Variants in NEURL2 observed in about 807,000 individuals in gnomAD.
The protein encoded by NEURL2 is neuralized-like protein 2.
In NEURL2, 16 loss-of-function variants were observed where a neutral mutation model predicts 15.9. The ratio of observed to expected loss-of-function variants is 1.01; its 90% CI spans 0.68 to 1.53. The LOEUF (loss-of-function observed/expected upper bound fraction) is 1.53. Among genes scored for constraint, NEURL2 ranks in the 40% most tolerant of loss-of-function variants. The pLI, the probability that NEURL2 is intolerant of heterozygous loss-of-function variation, is 0.00. For missense variants in NEURL2, 393 were observed against 407.8 expected, an observed-to-expected ratio of 0.96 and a Z score of 0.31; for synonymous variants, 188 against 178.3, an observed-to-expected ratio of 1.05 and a Z score of -0.43.
rs1409040963 is a variant in NEURL2, at chr20:45,888,865, G to C, written c.751C>G (p.Leu251Val). 6.2e-7 allele frequency: 1 copy of C among 1,614,148 alleles called. No individual in the cohort carries two copies. Among genetic ancestry groups the C allele is most frequent in the Non-Finnish European group, 8.5e-7 (1 of 1,179,994 alleles). Residue 251 changes from leucine (L) to valine (V), a missense_variant, in exon 2 of 2, where the codon CTG becomes GTG. Transcript: ENST00000372518. ...LVQLEYGLPS[L>V]QTLCRLVIQR... ...ATCACTAGGCGGCACAGAGTCTGCA[G>C]GGATGGCACTGTGGGAAGAAGACTG...
At chr20:45,890,157 G>A (rs1021325391) in intron 1 of NEURL2, 93 bp downstream of exon 1, 3 of 1,402,176 alleles carry the variant, frequency 2.1e-6, no homozygotes, top group Admixed American at 1.7e-5. Context: ...ACTAGTGCCG[G>A]ACAGACGAAG....
At position 45,888,829 on chromosome 20, in the gene NEURL2, T is replaced by C. The variant is rs1020322686; in HGVS notation, c.787A>G (p.Met263Val). The C allele has an allele frequency of 6.2e-6, 10 of 1,613,990 alleles. No homozygotes were observed. In the Admixed American group the frequency reaches 1.2e-4, roughly 19 times the overall value. ...CCATCAATGGCCAGCCGGTGCACCA[T>C]GCTCCTTTGTATCACTAGGCGGCAC... Reference protein sequence around the residue: ...TLCRLVIQRSMVHRLAIDGLH... With the variant: ...TLCRLVIQRSVVHRLAIDGLH... Residue 263 changes from methionine to valine, a missense_variant, in exon 2 of 2, where the codon ATG becomes GTG. Transcript: ENST00000372518.
Position 45,890,986 on chromosome 20 carries a change from A to T in NEURL2, c.6T>A (p.Ala2=). 7 of 1,487,988 alleles carry T rather than the reference A, an allele frequency of 4.7e-6. No homozygotes were observed. Among genetic ancestry groups the T allele is most frequent in the Non-Finnish European group, 6.3e-6 (7 of 1,118,792 alleles). 92.2% of individuals were successfully genotyped at this position (1,487,988 alleles called of 1,614,324 possible). Residue 2 remains alanine, a synonymous_variant, in exon 1 of 2, where the codon GCT becomes GCA. Transcript: ENST00000372518. ...CCGAATCCACGGGCTCGGAGGCAGC[A>T]GCCATCTCTCGGCCATAGGGCAGGC... M[A]AASEPVDSGA...
rs772492087 is a variant in NEURL2 at position 45,890,259 on chromosome 20, C to G, written c.733G>C (p.Glu245Gln). Residue 245 changes from glutamate to glutamine, a missense_variant, in exon 1 of 2, where the codon GAG (glutamate) becomes CAG (glutamine). By Grantham distance (29) the Glu-to-Gln change is conservative (BLOSUM62 2). Transcript: ENST00000372518. ...STKSVRLVQL[E>Q]YGLPSLQTLC... is the part of the protein sequence containing the mutation. Reference sequence around the variant, plus strand: ...GCCCAGGGATACCTACAGCCATACTCGAGCTGGACAAGGCGCACGCTCTTT... The same window carrying G: ...GCCCAGGGATACCTACAGCCATACTGGAGCTGGACAAGGCGCACGCTCTTT... The G allele has an allele frequency of 1.9e-6, 3 of 1,613,824 alleles. No homozygotes were observed. Among genetic ancestry groups the G allele is most frequent in the South Asian group, 2.2e-5 (2 of 91,086 alleles).
rs768208937 is a variant in NEURL2, at chr20:45,890,712, C to A, written c.280G>T (p.Ala94Ser). The A allele has an allele frequency of 6.2e-7, 1 of 1,613,632 alleles. No individual in the cohort carries two copies. The highest frequency in any genetic ancestry group is 1.7e-5 in the Admixed American group (1 of 60,006). The change falls in exon 1 of 2, where the codon GCC becomes TCC. Residue 94 changes from alanine (A) to serine (S), a missense_variant. Physicochemically the swap from Ala to Ser is moderately conservative, Grantham distance 99. Transcript: ENST00000372518. ...GLTALDPASL[A>S]PVPEFSLPDL... is the part of the protein sequence containing the mutation. ...GGCAGAGAAAACTCGGGAACGGGGG[C>A]CAGACTGGCGGGGTCCAGCGCGGTC... is the stretch of plus-strand genomic sequence containing the variant.
At chr20:45,889,739 GA>G (rs1209609302) in intron 1 of NEURL2, among the ~76,000 whole-genome samples, 1 of 151,756 alleles carries the variant, frequency 6.6e-6, no homozygotes, top group African/African-American at 2.4e-5. Flanking sequence ...TCAGCCTTCT[GA>G]ATAGCTGGGA....
Position 45,891,114 on chromosome 20 carries a change from C to A in NEURL2, c.-123G>T. 1 of 1,152,334 alleles carries A rather than the reference C, an allele frequency of 8.7e-7. No homozygotes were observed. Among genetic ancestry groups the A allele is most frequent in the Non-Finnish European group, 1.2e-6 (1 of 827,774 alleles). The allele number at this position is 1,152,334 out of a possible 1,614,324, so 71.4% of individuals were successfully genotyped here. On this transcript the variant is annotated 5_prime_UTR_variant, in exon 1 of 2. Coordinates refer to ENST00000372518, the MANE Select transcript of NEURL2 (RefSeq NM_080749.4). This position sits in a 1 kb window ranked among gnomAD's most constrained non-coding sequence, Gnocchi z 4.6. ...TGACTCCCTTCCCCGAGCCTCTGCCCGGGGGTCCTAGCGCCGCTTTCTCAG... is the reference window on the plus strand; with the variant it reads ...TGACTCCCTTCCCCGAGCCTCTGCCAGGGGGTCCTAGCGCCGCTTTCTCAG...
At chr20:45,889,619 C>CTCTT (rs10639182) in intron 1 of NEURL2, among the ~76,000 whole-genome samples, 80,192 of 150,418 alleles carry the variant, frequency 0.53, 21,945 homozygotes, top group Admixed American at 0.63. Flanking sequence ...CTCTCTCTCT[C>CTCTT]TCTTTCTTTT....
At position 45,890,792 on chromosome 20, in the gene NEURL2, A is replaced by T; in HGVS notation, c.200T>A (p.Leu67Gln). The T allele has an allele frequency of 6.2e-7, 1 of 1,603,396 alleles. No individual in the cohort carries two copies. Among genetic ancestry groups the T allele is most frequent in the East Asian group, 2.2e-5 (1 of 44,644 alleles). ...REPLAPGQVF[L>Q]VEIEEKELGW... ...CAGCTCTTTCTCCTCGATCTCGACCAGGAAGACCTGGCCCGGGGCCAGCGG... is the reference window on the plus strand; with the variant it reads ...CAGCTCTTTCTCCTCGATCTCGACCTGGAAGACCTGGCCCGGGGCCAGCGG... The change falls in exon 1 of 2, where the codon CTG becomes CAG. Residue 67 changes from leucine to glutamine, a missense_variant. Transcript: ENST00000372518.
chr20:45,888,842 C>T lies in NEURL2; in HGVS notation c.774G>A (p.Val258=). The T allele has an allele frequency of 6.2e-7, 1 of 1,613,988 alleles. No individual in the cohort carries two copies. Among genetic ancestry groups the T allele is most frequent in the Non-Finnish European group, 8.5e-7 (1 of 1,179,852 alleles). ...GCCGGTGCACCATGCTCCTTTGTAT[C>T]ACTAGGCGGCACAGAGTCTGCAGGG... is the stretch of plus-strand genomic sequence containing the variant. ...LPSLQTLCRL[V]IQRSMVHRLA... The change falls in exon 2 of 2, where the codon GTG becomes GTA. Residue 258 remains valine, a synonymous_variant. Coordinates refer to ENST00000372518, the MANE Select transcript of NEURL2 (RefSeq NM_080749.4).
rs546947641 is a variant in NEURL2 at position 45,888,743 on chromosome 20, G to A, written c.*15C>T. On this transcript the variant is annotated 3_prime_UTR_variant, in exon 2 of 2. Coordinates refer to ENST00000372518, the MANE Select transcript of NEURL2 (RefSeq NM_080749.4). ...GGCTCCAGGATGCAGCTGTGCTCTG[G>A]TGCACTGTGGGTCTTCACTCATACT... The A allele has an allele frequency of 1.2e-6, 2 of 1,613,602 alleles. No individual in the cohort carries two copies. The highest frequency in any genetic ancestry group is 1.3e-5 in the African/African-American group (1 of 75,038).
intron 1 of NEURL2, 105 bp downstream of exon 1, chr20:45,890,145 A>T: frequency 7.8e-7 from 1 of 1,281,132 alleles, no homozygotes; most frequent in Non-Finnish European, 1.1e-6. Context: ...TCCCACTCTT[A>T]AACTAGTGCC....
At chr20:45,889,802 C>T (rs1732909266) in intron 1 of NEURL2, among the ~76,000 whole-genome samples, 2 of 152,096 alleles carry the variant, frequency 1.3e-5, no homozygotes, top group Admixed American at 1.3e-4. Flanking sequence ...TTAGTAGAGA[C>T]AGGCTTTCAC....
chr20:45,891,109 C>G lies in NEURL2; in HGVS notation c.-118G>C, dbSNP rs1376082263. The G allele has an allele frequency of 8.6e-7, 1 of 1,162,754 alleles. No homozygotes were observed. The highest frequency in any genetic ancestry group is 1.2e-6 in the Non-Finnish European group (1 of 838,750). 72.0% of individuals were successfully genotyped at this position (1,162,754 alleles called of 1,614,324 possible). On this transcript the variant is annotated 5_prime_UTR_variant, in exon 1 of 2. Coordinates refer to ENST00000372518, the MANE Select transcript of NEURL2 (RefSeq NM_080749.4). This position sits in a 1 kb window ranked among gnomAD's most constrained non-coding sequence, Gnocchi z 4.6. ...CCCCCTGACTCCCTTCCCCGAGCCT[C>G]TGCCCGGGGGTCCTAGCGCCGCTTT...
In NEURL2 at chr20:45,890,550, G is replaced by A. The variant is rs757016726; in HGVS notation, c.442C>T (p.Arg148Cys). The change falls in exon 1 of 2, where the codon CGC becomes TGC. Residue 148 changes from arginine to cysteine, a missense_variant. Coordinates refer to ENST00000372518, the MANE Select transcript of NEURL2 (RefSeq NM_080749.4). ...CGGGGAATGCGAAACTGCTCAATGC[G>A]CAGATATGGTTCCACGAGGAGGGTT... ...PPTLLVEPYLRIEQFRIPRDR... is the reference protein window; with the variant it reads ...PPTLLVEPYLCIEQFRIPRDR... The A allele has an allele frequency of 6.8e-6, 11 of 1,611,088 alleles. No individual in the cohort carries two copies. The Admixed American group carries it at 1.2e-4, about 17-fold the overall frequency.
Position 45,888,889 on chromosome 20 carries a change from T to C in NEURL2, c.743-16A>G, listed in dbSNP as rs983566342. ...AGGGATGGCACTGTGGGAAGAAGAC[T>C]GTGAAAGGCAAACTGAACTGGAGGG... On this transcript the variant is annotated splice_polypyrimidine_tract_variant and intron_variant, in intron 1 of 1. Coordinates refer to ENST00000372518, the MANE Select transcript of NEURL2 (RefSeq NM_080749.4). The C allele has an allele frequency of 5.0e-6, 8 of 1,613,892 alleles. No individual in the cohort carries two copies. The East Asian group carries it at 6.7e-5, about 13-fold the overall frequency.
chr20:45,888,957 C>T, intron 1 of NEURL2, 84 bp from the exon 2 acceptor site: 1 of 1,527,100 alleles, frequency 6.5e-7, no homozygotes. Flanking sequence ...TCATGGTCCC[C>T]ACTTTGTCAT....
rs546934216 is a variant in NEURL2, at chr20:45,890,944, G to T, written c.48C>A (p.Leu16=). 6.6e-6 allele frequency: 10 copies of T among 1,513,896 alleles called. No individual in the cohort carries two copies. Among genetic ancestry groups the T allele is most frequent in the African/African-American group, 1.4e-5 (1 of 72,268 alleles). 93.8% of individuals were successfully genotyped at this position (1,513,896 alleles called of 1,614,324 possible). A position where few individuals can be genotyped will look rare whatever the true frequency, so the allele number is the denominator to read the frequency against. The change falls in exon 1 of 2, where the codon CTC becomes CTA. Residue 16 remains leucine (L), a synonymous_variant. Coordinates refer to ENST00000372518, the MANE Select transcript of NEURL2 (RefSeq NM_080749.4). ...GGGTGGGAGGGGGCTCCGGGCGCTC[G>T]AGTCCCCAGAGTGCACCCGAATCCA... is the stretch of plus-strand genomic sequence containing the variant. ...EPVDSGALWG[L]ERPEPPPTRF...
At position 45,890,718 on chromosome 20, in the gene NEURL2, T is replaced by A; in HGVS notation, c.274A>T (p.Ser92Cys). 1 of 1,613,578 alleles carries A rather than the reference T, an allele frequency of 6.2e-7. No individual in the cohort carries two copies. Among genetic ancestry groups the A allele is most frequent in the Non-Finnish European group, 8.5e-7 (1 of 1,179,858 alleles). Residue 92 changes from serine to cysteine, a missense_variant, in exon 1 of 2, where the codon AGT becomes TGT. By Grantham distance (112) the Ser-to-Cys change is moderately radical. Transcript: ENST00000372518. ...RLGLTALDPASLAPVPEFSLP... is the reference protein window; with the variant it reads ...RLGLTALDPACLAPVPEFSLP... ...GAAAACTCGGGAACGGGGGCCAGAC[T>A]GGCGGGGTCCAGCGCGGTCAGACCG...
Sources: gnomAD v4.1 joint callset for allele counts (sites outside exome capture counted in the v4.1 genomes callset) on GRCh38, gnomAD v4.1.1 for gene constraint, Gnocchi (gnomAD v3.1) non-coding constraint, MANE v1.5 for transcripts, NCBI Gene and HGNC (gene_info 2026-07-23, HGNC 2026-07-21) for gene names.